Variants in PARVB observed in about 807,000 individuals in gnomAD.
PARVB encodes the protein beta-parvin.
PARVB carries 46 observed loss-of-function variants against 47.0 expected under a neutral mutation model. That is an observed-to-expected ratio of 0.98 (90% CI 0.77 to 1.25). The LOEUF is 1.25. Among genes scored for constraint, PARVB ranks in the 50% most tolerant of loss-of-function variants. PARVB has a pLI of 0.00. For synonymous variants in PARVB, 196 were observed against 196.3 expected (o/e 1.00, Z 0.01); for missense variants, 473 against 471.6 (o/e 1.00, Z -0.03).
At chr22:44,088,684 C>G (rs2052090454) in intron 1 of PARVB, among the ~76,000 whole-genome samples, 2 of 152,256 alleles carry the variant, frequency 1.3e-5, no homozygotes, top group African/African-American at 4.8e-5. Flanking sequence ...GTTGGTCAGG[C>G]TGGTCTCGAA....
Position 44,130,352 on chromosome 22 carries a change from C to A in PARVB, c.377-1135C>A, listed in dbSNP as rs548554288. On this transcript the variant is annotated intron_variant, in intron 4 of 12. Coordinates refer to ENST00000338758, the MANE Select transcript of PARVB (RefSeq NM_013327.5). ...CTAGCAGGGAAACTGGGGGTCCTTCCTGCTGTGTGGCCCTGCAGCGGGCGT... is the reference window on the plus strand; with the variant it reads ...CTAGCAGGGAAACTGGGGGTCCTTCATGCTGTGTGGCCCTGCAGCGGGCGT... 3.3e-5 allele frequency among the ~76,000 whole-genome samples: 5 copies of A among 152,308 alleles called. No individual in the cohort carries two copies. In the South Asian group the frequency reaches 1.0e-3, roughly 32 times the overall value.
At chr22:44,030,536 T>A (rs927909825) in intron 1 of PARVB, among the ~76,000 whole-genome samples, 1 of 151,100 alleles carries the variant, frequency 6.6e-6, no homozygotes, top group Admixed American at 6.6e-5. Flanking sequence ...TTGGCAGGGG[T>A]GGCCGATTTC....
intron 1 of PARVB, among the ~76,000 whole-genome samples, chr22:44,047,623 T>C (rs2051136423): frequency 6.6e-6 from 1 of 152,004 alleles, no homozygotes; most frequent in Non-Finnish European, 1.5e-5. Flanking sequence ...ATTGTACTAT[T>C]GCACTCCAGC....
chr22:44,096,376 T>C (rs62227663), intron 2 of PARVB, among the ~76,000 whole-genome samples: 15,750 of 152,166 alleles, frequency 0.1, 851 homozygotes, highest in Middle Eastern at 0.18. Flanking sequence ...CTAGCCTGGG[T>C]AACAGAGTGA....
intron 1 of PARVB, chr22:44,081,743 G>A: frequency 2.7e-6 from 1 of 371,614 alleles, no homozygotes; most frequent in Non-Finnish European, 3.7e-6. Flanking sequence ...GCAAGTGGCT[G>A]GGCTCGGAGG....
intron 1 of PARVB, among the ~76,000 whole-genome samples, chr22:44,091,851 G>A (rs1330813218): frequency 6.6e-6 from 1 of 152,200 alleles, no homozygotes; most frequent in Non-Finnish European, 1.5e-5. Context: ...CTAGGATAAG[G>A]TGCCTGTTTA....
rs1460338485 is a variant in PARVB at position 44,127,461 on chromosome 22, T to C, written c.377-4026T>C. On this transcript the variant is annotated intron_variant, in intron 4 of 12. Transcript: ENST00000338758. ...GCCAGGAATGACACTGATGTAGGCA[T>C]TCAGCTCTTTGGCTTTCCAAAGGCA... Among the ~76,000 whole-genome samples the C allele has an allele frequency of 3.3e-5, 5 of 152,352 alleles. No homozygotes were observed. The South Asian group carries it at 6.2e-4, about 19-fold the overall frequency.
intron 2 of PARVB, among the ~76,000 whole-genome samples, chr22:44,096,310 T>C (rs945096971): frequency 6.6e-6 from 1 of 152,132 alleles, no homozygotes; most frequent in African/African-American, 2.4e-5. Flanking sequence ...GGTGGGAGGA[T>C]TGCCTGAGTC....
intron 10 of PARVB, chr22:44,152,338 CGG>C (rs2067007758): frequency 6.6e-6 from 1 of 151,898 alleles, no homozygotes; most frequent in African/African-American, 2.4e-5. Context: ...TTAGTAAAGA[CGG>C]GGTTTCACCG....
intron 6 of PARVB, among the ~76,000 whole-genome samples, chr22:44,133,997 A>G (rs1273573503): frequency 1.3e-5 from 2 of 152,170 alleles, no homozygotes; most frequent in African/African-American, 4.8e-5. Flanking sequence ...GGGGGTGACC[A>G]CTGCGGCCAG....
At position 44,115,696 on chromosome 22, in the gene PARVB, A is replaced by G. The variant is rs563484453; in HGVS notation, c.274-3342A>G. ...ACTAAGTAAGGCCCTGCACCAACAC[A>G]GATACATTGTTACTAACTAAGGCCC... On this transcript the variant is annotated intron_variant, in intron 3 of 12. Coordinates refer to ENST00000338758, the MANE Select transcript of PARVB (RefSeq NM_013327.5). 84 of 63,928 alleles carry G rather than the reference A, an allele frequency of 1.3e-3. 6 individuals are homozygous for G. Among genetic ancestry groups the G allele is most frequent in the African/African-American group, 7.7e-3 (64 of 8,274 alleles). 4.0% of individuals were successfully genotyped at this position (63,928 alleles called of 1,614,324 possible).
rs2051019344 is a variant in PARVB, at chr22:44,041,583, A to G, written c.112+17132A>G. Among the ~76,000 whole-genome samples, 4 of 152,102 alleles carry G rather than the reference A, an allele frequency of 2.6e-5. No individual in the cohort carries two copies. The South Asian group carries it at 8.3e-4, about 32-fold the overall frequency. On this transcript the variant is annotated intron_variant, in intron 1 of 12. Transcript: ENST00000338758. ...CTGGGGGGAAATGACTGGGCCTGAT[A>G]CATAATAAAAGCCCTACAGGCCAGG... is the stretch of plus-strand genomic sequence containing the variant.
At chr22:44,026,303 T>C (rs779301511) in intron 1 of PARVB, 27 of 985,294 alleles carry the variant, frequency 2.7e-5, no homozygotes, top group Non-Finnish European at 3.3e-5. Context: ...AAGCATCCTG[T>C]GCTGAATAGA....
At chr22:44,090,775 G>A (rs1323609779) in intron 1 of PARVB, among the ~76,000 whole-genome samples, 2 of 152,228 alleles carry the variant, frequency 1.3e-5, no homozygotes, top group Admixed American at 1.3e-4. Context: ...CAGCTGTGCT[G>A]GACGGGACCT....
intron 1 of PARVB, among the ~76,000 whole-genome samples, chr22:44,076,765 A>G (rs1228516771): frequency 1.3e-5 from 2 of 151,968 alleles, no homozygotes; most frequent in Non-Finnish European, 2.9e-5. Context: ...GGCCAGAAAC[A>G]TGCTGCTGTG....
chr22:44,112,331 C>T (rs2052719031), intron 3 of PARVB: 1 of 151,966 alleles, frequency 6.6e-6, no homozygotes, highest in Non-Finnish European at 1.5e-5. Context: ...GGGGGAATAC[C>T]CTGACCCCAG....
intron 10 of PARVB, among the ~76,000 whole-genome samples, chr22:44,156,372 C>T (rs545724631): frequency 2.2e-4 from 34 of 151,250 alleles, no homozygotes; most frequent in Middle Eastern, 3.4e-3. Context: ...CTCTGCCTTC[C>T]GGGTTAAAGC....
intron 10 of PARVB, among the ~76,000 whole-genome samples, chr22:44,156,852 T>C (rs2053946508): frequency 1.3e-5 from 2 of 151,952 alleles, no homozygotes; most frequent in East Asian, 1.9e-4. Flanking sequence ...AGCAGAATGA[T>C]TGGTGGTTCT....
chr22:44,005,454 A>G (rs945353122), intron 2 of PARVB, among the ~76,000 whole-genome samples: 8 of 148,724 alleles, frequency 5.4e-5, no homozygotes, highest in Non-Finnish European at 8.9e-5. Context: ...AGCATACTGT[A>G]GTTCCTGTTA....
Sources: gnomAD v4.1 joint callset for allele counts (sites outside exome capture counted in the v4.1 genomes callset) on GRCh38, gnomAD v4.1.1 for gene constraint, MANE v1.5 for transcripts, NCBI Gene and HGNC (gene_info 2026-07-23, HGNC 2026-07-21) for gene names.